Variants in SLC5A11 observed in about 807,000 individuals in gnomAD.
SLC5A11 encodes the protein solute carrier family 5 member 11, also known as sodium/myo-inositol cotransporter 2.
In SLC5A11, 48 loss-of-function variants were observed where a neutral mutation model predicts 69.8. The ratio of observed to expected loss-of-function variants is 0.69; its 90% CI spans 0.55 to 0.87. The LOEUF (loss-of-function observed/expected upper bound fraction) is 0.87. Ranked by LOEUF, SLC5A11 falls within the 40% of genes least tolerant of loss-of-function variation. SLC5A11 has a pLI of 0.00. For missense variants in SLC5A11, 784 were observed against 866.1 expected (o/e 0.91, Z 1.19); for synonymous variants, 319 against 342.4 (o/e 0.93, Z 0.75).
intron 9 of SLC5A11, among the ~76,000 whole-genome samples, chr16:24,895,847 G>C (rs116348072): frequency 6.6e-6 from 1 of 152,172 alleles, no homozygotes; most frequent in Non-Finnish European, 1.5e-5. Flanking sequence ...ACAAGGTACA[G>C]TCCCATGGAC....
At chr16:24,871,504 T>A (rs936853032) in intron 4 of SLC5A11, among the ~76,000 whole-genome samples, 2 of 152,026 alleles carry the variant, frequency 1.3e-5, no homozygotes, top group Non-Finnish European at 2.9e-5. Context: ...AACTCCTGGG[T>A]GCAAGCGATC....
At chr16:24,891,819 T>C (rs1175494832) in intron 9 of SLC5A11, among the ~76,000 whole-genome samples, 1 of 152,150 alleles carries the variant, frequency 6.6e-6, no homozygotes, top group Non-Finnish European at 1.5e-5. Context: ...CTTGTGGAGC[T>C]TCCCTTCTTC....
In SLC5A11 at chr16:24,849,466, C is replaced by T. The variant is rs182319532; in HGVS notation, c.-25+3028C>T. 7.9e-3 allele frequency among the ~76,000 whole-genome samples: 1,173 copies of T among 149,422 alleles called. 12 individuals are homozygous for T. The highest frequency in any genetic ancestry group is 0.028 in the African/African-American group (1,121 of 40,476). The stretch of plus-strand genomic sequence containing the variant: ...CCTGTAATCCCAGCTACTCGGGAGG[C>T]TGAGGCGGGAGAATCGCTTGAACCC... On this transcript the variant is annotated intron_variant, in intron 1 of 15. Coordinates refer to ENST00000347898, the Ensembl canonical transcript of SLC5A11.
intron 7 of SLC5A11, among the ~76,000 whole-genome samples, chr16:24,880,444 C>T (rs912161623): frequency 7.2e-5 from 11 of 152,200 alleles, no homozygotes; most frequent in African/African-American, 2.7e-4. Context: ...AAGCAATTCT[C>T]CTGCCTCAGC....
chr16:24,872,145 T>C lies in SLC5A11; in HGVS notation c.313-15T>C, dbSNP rs752527719. 3 of 1,614,026 alleles carry C rather than the reference T, an allele frequency of 1.9e-6. No homozygotes were observed. Among genetic ancestry groups the C allele is most frequent in the Admixed American group, 1.7e-5 (1 of 59,984 alleles). The stretch of plus-strand genomic sequence containing the variant: ...TGAGCTGGGGGCCAAGTCCTGACTG[T>C]GTTTTCTTGAGCAGGGCTTGTTTTC... On this transcript the variant is annotated splice_polypyrimidine_tract_variant and intron_variant, in intron 4 of 15. Coordinates refer to ENST00000347898, the Ensembl canonical transcript of SLC5A11.
intron 8 of SLC5A11, among the ~76,000 whole-genome samples, chr16:24,885,450 C>A (rs1479524726): frequency 6.6e-6 from 1 of 151,908 alleles, no homozygotes; most frequent in Admixed American, 6.6e-5. Context: ...AGTTTGAGAC[C>A]AGCCTGAGCA....
intron 9 of SLC5A11, among the ~76,000 whole-genome samples, chr16:24,893,261 C>T (rs2048936687): frequency 6.6e-6 from 1 of 151,164 alleles, no homozygotes; most frequent in African/African-American, 2.4e-5. Flanking sequence ...GCACTCCAGC[C>T]TGGGCAGCAA....
chr16:24,849,593 A>AAAAAAAAAAAAAATT, intron 1 of SLC5A11, among the ~76,000 whole-genome samples: 1 of 35,922 alleles, frequency 2.8e-5, no homozygotes, highest in Non-Finnish European at 5.6e-5. Context: ...AAAAAAAAAA[A>AAAAAAAAAAAAAATT]ATATATATAT....
intron 10 of SLC5A11, among the ~76,000 whole-genome samples, chr16:24,900,285 A>T (rs981880574): frequency 2.6e-5 from 4 of 152,214 alleles, no homozygotes; most frequent in Non-Finnish European, 5.9e-5. Context: ...CCTGTGCCTT[A>T]TCCTACATAA....
At chr16:24,868,559 A>G (rs1367472496) in intron 3 of SLC5A11, among the ~76,000 whole-genome samples, 1 of 148,828 alleles carries the variant, frequency 6.7e-6, no homozygotes, top group African/African-American at 2.5e-5. Context: ...AGATCACACC[A>G]CTGCACTCCA....
At chr16:24,901,206 T>C (rs988915828) in intron 10 of SLC5A11, among the ~76,000 whole-genome samples, 1 of 152,168 alleles carries the variant, frequency 6.6e-6, no homozygotes, top group African/African-American at 2.4e-5. Context: ...TCTATCCAAG[T>C]GTTTACTATT....
intron 8 of SLC5A11, 109 bp from the exon 10 acceptor site, chr16:24,890,760 T>G: frequency 3.9e-6 from 4 of 1,020,164 alleles, no homozygotes; most frequent in Non-Finnish European, 6.1e-6. Flanking sequence ...GGATTAACAT[T>G]TTTGGTGGCT....
intron 2 of SLC5A11, among the ~76,000 whole-genome samples, chr16:24,861,441 C>T (rs1030257670): frequency 6.0e-5 from 9 of 151,126 alleles, no homozygotes; most frequent in African/African-American, 1.7e-4. Context: ...GATCATGTCA[C>T]TGCACTCCAG....
intron 7 of SLC5A11, among the ~76,000 whole-genome samples, chr16:24,880,253 T>C (rs1466462453): frequency 1.3e-5 from 2 of 152,076 alleles, no homozygotes; most frequent in African/African-American, 4.8e-5. Context: ...CTTACAGTCA[T>C]GGTGGAAGGC....
intron 1 of SLC5A11, among the ~76,000 whole-genome samples, chr16:24,851,620 T>TA (rs2059311325): frequency 1.3e-5 from 2 of 151,926 alleles, no homozygotes; most frequent in African/African-American, 2.4e-5. Flanking sequence ...ATGCTTTCTT[T>TA]AAAAAAAATG....
At chr16:24,882,467 G>A (rs900834230) in intron 7 of SLC5A11, among the ~76,000 whole-genome samples, 2 of 152,034 alleles carry the variant, frequency 1.3e-5, no homozygotes, top group East Asian at 1.9e-4. Context: ...CTCACCCACG[G>A]GCACAGGGTT....
exon 11 of SLC5A11, chr16:24,906,714 G>A (rs2050089203): frequency 6.2e-7 from 1 of 1,613,624 alleles, no homozygotes; most frequent in African/African-American, 1.3e-5. Context: ...AACCCCTCAG[G>A]CTGTTCGGAC....
chr16:24,876,992 T>C, intron 6 of SLC5A11: 1 of 1,000,906 alleles, frequency 1.0e-6, no homozygotes, highest in East Asian at 3.7e-5. Flanking sequence ...TTAATGAAGG[T>C]TGCAGTGTGG....
chr16:24,868,936 C>T (rs916021525), intron 3 of SLC5A11, among the ~76,000 whole-genome samples: 5 of 150,166 alleles, frequency 3.3e-5, no homozygotes, highest in Admixed American at 2.7e-4. Context: ...GGTGCAATCT[C>T]GGCTCGTTGC....
Sources: gnomAD v4.1 joint callset for allele counts (sites outside exome capture counted in the v4.1 genomes callset) on GRCh38, gnomAD v4.1.1 for gene constraint, MANE v1.5 for transcripts, NCBI Gene and HGNC (gene_info 2026-07-23, HGNC 2026-07-21) for gene names.